The following DAB1 variants were observed in gnomAD, a reference collection of about 807,000 sequenced individuals.
DAB1 encodes the protein disabled homolog 1.
DAB1 carries 15 observed loss-of-function variants against 64.6 expected under a neutral mutation model. The observed-to-expected ratio is 0.23, with a 90% CI of 0.16 to 0.36. The LOEUF (loss-of-function observed/expected upper bound fraction) is 0.36, where lower values mean the gene tolerates loss of function less well. Among genes scored for constraint, DAB1 ranks in the 10% least tolerant of loss-of-function variants. The pLI is 1.00. For synonymous variants in DAB1, 235 were observed against 251.9 expected, an observed-to-expected ratio of 0.93 and a Z score of 0.64; for missense variants, 596 against 706.7, an observed-to-expected ratio of 0.84 and a Z score of 1.78.
intron 6 of DAB1, among the ~76,000 whole-genome samples, chr1:57,765,640 T>C (rs1337307881): frequency 3.9e-5 from 6 of 152,148 alleles, no homozygotes; most frequent in African/African-American, 1.2e-4. Flanking sequence ...TCCATGTTGC[T>C]GAATCCAATG....
At chr1:57,946,901 A>G (rs1241724512) in intron 5 of DAB1, among the ~76,000 whole-genome samples, 1 of 152,240 alleles carries the variant, frequency 6.6e-6, no homozygotes, top group Non-Finnish European at 1.5e-5. Flanking sequence ...AGCCGTGTTC[A>G]GCATTTACAT....
chr1:57,945,044 T>C (rs977150516), intron 5 of DAB1, among the ~76,000 whole-genome samples: 3 of 152,216 alleles, frequency 2.0e-5, no homozygotes, highest in African/African-American at 7.2e-5. Flanking sequence ...AGTGATCTTT[T>C]AGAATCTTCT....
intron 1 of DAB1, among the ~76,000 whole-genome samples, chr1:57,373,988 T>C (rs547672989): frequency 1.3e-5 from 2 of 152,336 alleles, no homozygotes; most frequent in Admixed American, 6.5e-5. Context: ...CACATTTTTT[T>C]TGAGCCCAGA....
chr1:57,058,997 C>T (rs1307944289), intron 9 of DAB1, among the ~76,000 whole-genome samples: 1 of 152,136 alleles, frequency 6.6e-6, no homozygotes, highest in Non-Finnish European at 1.5e-5. Flanking sequence ...TTAGAGGTAG[C>T]CCAGAGAGAC....
At chr1:57,606,309 C>T (rs1316203052) in intron 7 of DAB1, 1 of 146,442 alleles carries the variant, frequency 6.8e-6, no homozygotes, top group Admixed American at 7.8e-5. Flanking sequence ...CACTTGCGAC[C>T]GCATCATCCT....
intron 6 of DAB1, among the ~76,000 whole-genome samples, chr1:57,681,619 T>C (rs927359418): frequency 1.5e-4 from 23 of 151,990 alleles, no homozygotes; most frequent in Admixed American, 1.3e-3. Context: ...GTACTACATA[T>C]GGTGAAGAAA....
At chr1:58,388,300 A>C (rs769792530) in intron 3 of DAB1, among the ~76,000 whole-genome samples, 16 of 152,222 alleles carry the variant, frequency 1.1e-4, no homozygotes, top group Non-Finnish European at 1.8e-4. Flanking sequence ...AACATCCCAG[A>C]TTCTCTTATA....
intron 4 of DAB1, among the ~76,000 whole-genome samples, chr1:58,231,047 C>A (rs1387437374): frequency 6.6e-6 from 1 of 152,196 alleles, no homozygotes; most frequent in Non-Finnish European, 1.5e-5. Flanking sequence ...ATAGTGCCAA[C>A]TTCATAAGAT....
chr1:57,914,463 C>A (rs1403650357), intron 5 of DAB1, among the ~76,000 whole-genome samples: 2 of 151,730 alleles, frequency 1.3e-5, no homozygotes, highest in African/African-American at 4.8e-5. Flanking sequence ...AGGAGATATA[C>A]CTAATGTAAA....
chr1:57,570,217 G>A (rs1017501756), intron 7 of DAB1, among the ~76,000 whole-genome samples: 3 of 152,098 alleles, frequency 2.0e-5, no homozygotes, highest in East Asian at 3.9e-4. Context: ...TGTGAAAAGA[G>A]AGACTGGCTT....
At chr1:57,632,375 G>A (rs970797225) in intron 7 of DAB1, among the ~76,000 whole-genome samples, 2 of 152,118 alleles carry the variant, frequency 1.3e-5, no homozygotes, top group African/African-American at 2.4e-5. Flanking sequence ...ATCATGAGTG[G>A]ACTTCCAGTT....
chr1:58,232,502 C>T (rs1414301412), intron 4 of DAB1, among the ~76,000 whole-genome samples: 1 of 145,618 alleles, frequency 6.9e-6, no homozygotes, highest in Non-Finnish European at 1.5e-5. Flanking sequence ...CACACACACA[C>T]ACACACACAC....
At chr1:58,039,574 A>AC (rs1252412585) in intron 5 of DAB1, among the ~76,000 whole-genome samples, 3 of 151,602 alleles carry the variant, frequency 2.0e-5, no homozygotes, top group African/African-American at 7.3e-5. Flanking sequence ...AAAATACTTG[A>AC]CCCCCGCTCA....
At chr1:57,967,467 CT>C (rs1245082356) in intron 5 of DAB1, among the ~76,000 whole-genome samples, 1 of 152,122 alleles carries the variant, frequency 6.6e-6, no homozygotes, top group Non-Finnish European at 1.5e-5. Context: ...TGGATCCATA[CT>C]CTGTGTCCTT....
chr1:58,292,669 A>G (rs1373390615), intron 4 of DAB1, among the ~76,000 whole-genome samples: 3 of 152,084 alleles, frequency 2.0e-5, no homozygotes, highest in Non-Finnish European at 4.4e-5. Context: ...GTTGCAAATA[A>G]TATGTGCTCT....
At chr1:57,452,212 G>A (rs906117069) in intron 7 of DAB1, among the ~76,000 whole-genome samples, 5 of 122,738 alleles carry the variant, frequency 4.1e-5, no homozygotes, top group Admixed American at 1.1e-4. Flanking sequence ...CTCTCACCCA[G>A]GCTGGAGTGC....
intron 7 of DAB1, among the ~76,000 whole-genome samples, chr1:57,475,569 C>G (rs1324850460): frequency 6.6e-6 from 1 of 152,202 alleles, no homozygotes; most frequent in Non-Finnish European, 1.5e-5. Flanking sequence ...GCTGACGTCA[C>G]CATATGGCTC....
chr1:58,106,279 G>A (rs1474983271), intron 5 of DAB1, among the ~76,000 whole-genome samples: 1 of 151,770 alleles, frequency 6.6e-6, no homozygotes, highest in Non-Finnish European at 1.5e-5. Flanking sequence ...CTGGATTCGG[G>A]TAATCCTCCT....
At chr1:58,382,016 T>A (rs1280771426) in intron 3 of DAB1, among the ~76,000 whole-genome samples, 1 of 152,196 alleles carries the variant, frequency 6.6e-6, no homozygotes, top group African/African-American at 2.4e-5. Flanking sequence ...AAAGGTCTAA[T>A]AACTATTTGC....
Sources: allele counts gnomAD v4.1 joint callset (sites outside exome capture counted in the v4.1 genomes callset), GRCh38; gene constraint gnomAD v4.1.1; transcripts MANE v1.5; gene names NCBI Gene and HGNC (gene_info 2026-07-23, HGNC 2026-07-21).